TRHDE: variants seen among roughly 807,000 people sequenced by gnomAD.
The protein encoded by TRHDE is thyrotropin-releasing hormone-degrading ectoenzyme.
A neutral mutation model predicts 125.7 loss-of-function variants in TRHDE; 72 were observed. The ratio of observed to expected loss-of-function variants is 0.57; its 90% confidence interval spans 0.47 to 0.70. TRHDE has a LOEUF of 0.70. Among genes scored for constraint, TRHDE ranks in the 30% least tolerant of loss-of-function variants. The probability of loss-of-function intolerance (pLI) is 0.00; values close to 1 mark genes in which losing one functional copy is unlikely to be tolerated. For synonymous variants in TRHDE, 509 were observed against 509.1 expected (o/e 1.00, Z 0.00); for missense variants, 1,110 against 1,327.1 (o/e 0.84, Z 2.54).
chr12:72,406,530 G>T lies in TRHDE; in HGVS notation c.1315+28409G>T, dbSNP rs141153703. Among the ~76,000 whole-genome samples the T allele has an allele frequency of 1.6e-4, 24 of 152,196 alleles. No homozygotes were observed. The East Asian group carries it at 4.0e-3, about 26-fold the overall frequency. Reference sequence around the variant, plus strand: ...GGGGGTTCCTGGATCTTTTTGGTGAGGGTGAATTTTTTTCTTCTCCTAAGG... The same window carrying T: ...GGGGGTTCCTGGATCTTTTTGGTGATGGTGAATTTTTTTCTTCTCCTAAGG... On this transcript the variant is annotated intron_variant, in intron 3 of 18. Transcript: ENST00000261180.
chr12:72,631,814 C>G (rs1228106357), intron 15 of TRHDE, among the ~76,000 whole-genome samples: 1 of 151,904 alleles, frequency 6.6e-6, no homozygotes, highest in African/African-American at 2.4e-5. Context: ...CTACTCAAGA[C>G]AGCTTTATGG....
chr12:72,129,369 T>A (rs192837147), intron 2 of TRHDE, among the ~76,000 whole-genome samples: 1 of 152,352 alleles, frequency 6.6e-6, no homozygotes, highest in Non-Finnish European at 1.5e-5. Context: ...GAGTTTTTCT[T>A]ATTGTGTAGA....
intron 3 of TRHDE, among the ~76,000 whole-genome samples, chr12:72,411,428 A>C (rs74651320): frequency 1.1e-4 from 16 of 152,226 alleles, no homozygotes; most frequent in African/African-American, 3.8e-4. Flanking sequence ...GTTGGGAATA[A>C]ATCTAACAAA....
chr12:72,108,206 T>A (rs1484833), intron 2 of TRHDE, among the ~76,000 whole-genome samples: 110,358 of 151,976 alleles, frequency 0.73, 41,055 homozygotes, highest in Non-Finnish European at 0.81. Context: ...TTGTTGATTG[T>A]AGGGCAGCAA....
chr12:72,230,041 T>G (rs1184897083), intron 2 of TRHDE, among the ~76,000 whole-genome samples: 2 of 152,200 alleles, frequency 1.3e-5, no homozygotes, highest in Non-Finnish European at 1.5e-5. Flanking sequence ...GTCTCTGGTC[T>G]GCCACCACCT....
intron 2 of TRHDE, chr12:72,105,883 A>G (rs1875176064): frequency 6.6e-6 from 1 of 152,176 alleles, no homozygotes; most frequent in Non-Finnish European, 1.5e-5. Flanking sequence ...TTCTATCTTT[A>G]TTTTATTTTT....
intron 2 of TRHDE, among the ~76,000 whole-genome samples, chr12:72,211,750 T>C (rs1877786846): frequency 6.6e-6 from 1 of 152,164 alleles, no homozygotes; most frequent in Non-Finnish European, 1.5e-5. Context: ...ATAGAGTATT[T>C]GGAGAAAGTA....
chr12:72,335,710 TA>T (rs1869802150), intron 2 of TRHDE, among the ~76,000 whole-genome samples: 1 of 152,220 alleles, frequency 6.6e-6, no homozygotes, highest in Non-Finnish European at 1.5e-5. Context: ...AAACATTGAG[TA>T]AAATATTTCC....
At chr12:72,361,725 A>G (rs918924210) in intron 2 of TRHDE, among the ~76,000 whole-genome samples, 5 of 42,666 alleles carry the variant, frequency 1.2e-4, no homozygotes, top group African/African-American at 3.7e-4. Flanking sequence ...CCCCCACCCC[A>G]CAACAGTCCC....
At chr12:72,399,240 C>T (rs539794816) in intron 3 of TRHDE, among the ~76,000 whole-genome samples, 8 of 152,310 alleles carry the variant, frequency 5.3e-5, no homozygotes, top group African/African-American at 1.2e-4. Context: ...AGGCTGGGAA[C>T]GTCTGCTTTA....
chr12:72,399,689 C>A (rs1382239967), intron 3 of TRHDE, among the ~76,000 whole-genome samples: 2 of 152,064 alleles, frequency 1.3e-5, no homozygotes, highest in East Asian at 1.9e-4. Context: ...AAATAACTTT[C>A]TTTCACTGGA....
intron 2 of TRHDE, among the ~76,000 whole-genome samples, chr12:72,195,255 T>G (rs1877418514): frequency 6.6e-6 from 1 of 152,080 alleles, no homozygotes; most frequent in African/African-American, 2.4e-5. Flanking sequence ...AAGATTTGGG[T>G]GGGGACACAA....
At chr12:72,384,896 A>G (rs1396585119) in intron 3 of TRHDE, among the ~76,000 whole-genome samples, 1 of 152,116 alleles carries the variant, frequency 6.6e-6, no homozygotes, top group African/African-American at 2.4e-5. Context: ...TAGAATATTT[A>G]TAATGATTCT....
chr12:72,222,044 C>T (rs1878012069), intron 2 of TRHDE, among the ~76,000 whole-genome samples: 1 of 152,082 alleles, frequency 6.6e-6, no homozygotes, highest in Admixed American at 6.6e-5. Context: ...CAATTTCTTA[C>T]ATCGTGGTCG....
intron 2 of TRHDE, among the ~76,000 whole-genome samples, chr12:72,225,594 G>T (rs111267522): frequency 6.6e-6 from 1 of 152,136 alleles, no homozygotes; most frequent in Non-Finnish European, 1.5e-5. Flanking sequence ...TGGTTTCCTT[G>T]TATAAAAGGT....
At chr12:72,635,346 G>T (rs1233439426) in intron 15 of TRHDE, among the ~76,000 whole-genome samples, 1 of 152,088 alleles carries the variant, frequency 6.6e-6, no homozygotes, top group Non-Finnish European at 1.5e-5. Flanking sequence ...TTTTGATGGG[G>T]TTGCTTGTTT....
At chr12:72,600,520 G>T (rs1872167069) in intron 12 of TRHDE, among the ~76,000 whole-genome samples, 2 of 151,696 alleles carry the variant, frequency 1.3e-5, no homozygotes, top group Non-Finnish European at 3.0e-5. Context: ...TTGTAAATGA[G>T]GTTGCATTCT....
rs572696783 is a variant in TRHDE at position 72,203,143 on chromosome 12, TAGAG to T, written n.279+97404_279+97407del. Among the ~76,000 whole-genome samples the T allele has an allele frequency of 3.0e-3, 449 of 149,584 alleles. 2 individuals are homozygous for T. Among genetic ancestry groups the T allele is most frequent in the Non-Finnish European group, 4.2e-3 (280 of 67,154 alleles). On this transcript the variant is annotated intron_variant and non_coding_transcript_variant, in intron 2 of 4. Coordinates refer to the TRHDE transcript ENST00000548156. Reference sequence around the variant, plus strand: ...TATGAGAGAGAAAGAGAAAGAGAGATAGAGAGAGAGAGAGAGGAGAGACAGAGAA... The same window carrying T: ...TATGAGAGAGAAAGAGAAAGAGAGATAGAGAGAGAGAGGAGAGACAGAGAA...
intron 12 of TRHDE, among the ~76,000 whole-genome samples, chr12:72,614,333 T>A (rs1378177171): frequency 0.016 from 2,412 of 147,182 alleles, 75 homozygotes; most frequent in African/African-American, 0.056. Context: ...TATATATATT[T>A]TTTTTTTCTC....
Sources: allele counts gnomAD v4.1 joint callset (sites outside exome capture counted in the v4.1 genomes callset), GRCh38; gene constraint gnomAD v4.1.1; transcripts MANE v1.5; gene names NCBI Gene and HGNC (gene_info 2026-07-23, HGNC 2026-07-21).